The following C6orf163 variants were observed in gnomAD, a reference collection of about 807,000 sequenced individuals.
C6orf163 encodes the protein uncharacterized protein C6orf163.
A neutral mutation model predicts 28.4 loss-of-function variants in C6orf163; 22 were observed. The observed-to-expected ratio is 0.78, with a 90% CI of 0.55 to 1.11. The LOEUF (loss-of-function observed/expected upper bound fraction) is 1.11. Ranked by LOEUF, C6orf163 falls within the 50% of genes least tolerant of loss-of-function variation. C6orf163 has a pLI of 0.00. For synonymous variants in C6orf163, 110 were observed against 123.6 expected (o/e 0.89, Z 0.73); for missense variants, 342 against 389.1 (o/e 0.88, Z 1.02).
chr6:87,357,525 A>G (rs908409008), intron 4 of C6orf163: 5 of 152,236 alleles, frequency 3.3e-5, no homozygotes, highest in African/African-American at 1.2e-4. Flanking sequence ...GGAGGTACAG[A>G]TAAATGAGAA....
At chr6:87,364,668 T>C (rs1777621544) in intron 4 of C6orf163, among the ~76,000 whole-genome samples, 1 of 152,192 alleles carries the variant, frequency 6.6e-6, no homozygotes, top group Non-Finnish European at 1.5e-5. Flanking sequence ...TTAAGCACAA[T>C]GCATGTATAT....
At position 87,365,174 on chromosome 6, in the gene C6orf163, C is replaced by CA; in HGVS notation, c.769dup (p.Thr257AsnfsTer43). The stretch of plus-strand genomic sequence containing the variant: ...GCAATATGATGGATAAACTGGCTAA[C>CA]ACCCAGGGGGAGCTGCTGTCTATAG... On this transcript the variant is annotated frameshift_variant, in exon 5 of 5. Transcript: ENST00000388923. LOFTEE classifies it high-confidence loss of function. 6.4e-7 allele frequency: 1 copy of CA among 1,551,890 alleles called. No homozygotes were observed. The highest frequency in any genetic ancestry group is 8.7e-7 in the Non-Finnish European group (1 of 1,147,022).
chr6:87,356,472 A>T lies in C6orf163; in HGVS notation c.523A>T (p.Ile175Phe). Residue 175 changes from isoleucine to phenylalanine, a missense_variant, in exon 4 of 5, where the codon ATC (isoleucine) becomes TTC (phenylalanine). Coordinates refer to ENST00000388923, the MANE Select transcript of C6orf163 (RefSeq NM_001010868.3). ...VEKARAEERH[I>F]AQEAIQAQKS... ...GAAAGCCAGGGCTGAAGAAAGACAC[A>T]TCGCCCAGGAAGCAATCCAGGCCCA... 3.2e-6 allele frequency: 5 copies of T among 1,551,770 alleles called. No individual in the cohort carries two copies. The South Asian group carries it at 5.9e-5, about 18-fold the overall frequency.
chr6:87,350,019 C>T (rs921143042), intron 2 of C6orf163, among the ~76,000 whole-genome samples: 4 of 152,244 alleles, frequency 2.6e-5, no homozygotes, highest in Non-Finnish European at 5.9e-5. Flanking sequence ...CTTTGTGCGT[C>T]TTTTCATTTC....
chr6:87,356,825 T>C (rs1021738898), intron 4 of C6orf163: 2 of 241,488 alleles, frequency 8.3e-6, no homozygotes, highest in East Asian at 9.0e-5. Flanking sequence ...TCTCTAAATA[T>C]GGTATTTTTC....
At position 87,360,398 on chromosome 6, in the gene C6orf163, A is replaced by ATTT. The variant is rs10625675; in HGVS notation, c.554+3911_554+3913dup. Among the ~76,000 whole-genome samples the ATTT allele has an allele frequency of 5.9e-3, 810 of 138,084 alleles. 12 individuals carry two copies. Among genetic ancestry groups the ATTT allele is most frequent in the South Asian group, 9.4e-3 (41 of 4,340 alleles). The allele number at this position is 138,084 out of a possible 152,430, so 90.6% of individuals were successfully genotyped here. ...TGTTAAGAATCCTTTTTAAGCATGA[A>ATTT]TTTTTTTTTTTTTTTTTTGAGAGAG... On this transcript the variant is annotated intron_variant, in intron 4 of 4. Coordinates refer to ENST00000388923, the MANE Select transcript of C6orf163 (RefSeq NM_001010868.3).
In C6orf163 at chr6:87,356,455, G is replaced by T. The variant is rs1202329303; in HGVS notation, c.506G>T (p.Arg169Met). Residue 169 changes from arginine (R) to methionine (M), a missense_variant, in exon 4 of 5, where the codon AGG becomes ATG. Transcript: ENST00000388923. Reference protein sequence around the residue: ...REKVEAVEKARAEERHIAQEA... With the variant: ...REKVEAVEKAMAEERHIAQEA... ...AAGGTCGAAGCTGTGGAGAAAGCCAGGGCTGAAGAAAGACACATCGCCCAG... is the reference window on the plus strand; with the variant it reads ...AAGGTCGAAGCTGTGGAGAAAGCCATGGCTGAAGAAAGACACATCGCCCAG... The T allele has an allele frequency of 1.3e-6, 2 of 1,551,634 alleles. No individual in the cohort carries two copies. The highest frequency in any genetic ancestry group is 2.7e-5 in the African/African-American group (2 of 73,036).
intron 4 of C6orf163, among the ~76,000 whole-genome samples, chr6:87,360,489 C>G (rs1008394873): frequency 6.6e-6 from 1 of 150,512 alleles, no homozygotes; most frequent in African/African-American, 2.4e-5. Flanking sequence ...CTCCACCTTC[C>G]AGGTTCAAGC....
chr6:87,349,012 C>G, intron 2 of C6orf163, 106 bp downstream of exon 2: 1 of 1,388,602 alleles, frequency 7.2e-7, no homozygotes, highest in Non-Finnish European at 9.5e-7. Context: ...TGACTGAATC[C>G]TGGCTAGCTG....
intron 4 of C6orf163, among the ~76,000 whole-genome samples, chr6:87,363,877 T>C (rs1184534775): frequency 6.6e-6 from 1 of 152,206 alleles, no homozygotes; most frequent in East Asian, 1.9e-4. Context: ...TAGTCTCCTA[T>C]GAATATAAAA....
chr6:87,351,064 C>T (rs946478876), intron 3 of C6orf163, among the ~76,000 whole-genome samples: 5 of 152,142 alleles, frequency 3.3e-5, no homozygotes, highest in Admixed American at 2.0e-4. Flanking sequence ...AATGCAGGGC[C>T]AGATGTCACA....
chr6:87,356,779 A>C (rs2127933759), intron 4 of C6orf163: 1 of 334,042 alleles, frequency 3.0e-6, no homozygotes, highest in South Asian at 5.7e-5. Context: ...TTCCTCAATC[A>C]TATCTTCTTC....
chr6:87,356,509 C>A lies in C6orf163; in HGVS notation c.554+6C>A. 1 of 1,550,470 alleles carries A rather than the reference C, an allele frequency of 6.4e-7. No homozygotes were observed. Among genetic ancestry groups the A allele is most frequent in the Non-Finnish European group, 8.7e-7 (1 of 1,146,374 alleles). ...GCAATCCAGGCCCAGAAAAGGTATTCCAGAGAACTCATTTACAAATTAGTA... is the reference window on the plus strand; with the variant it reads ...GCAATCCAGGCCCAGAAAAGGTATTACAGAGAACTCATTTACAAATTAGTA... On this transcript the variant is annotated splice_donor_region_variant and intron_variant, in intron 4 of 4. Coordinates refer to ENST00000388923, the MANE Select transcript of C6orf163 (RefSeq NM_001010868.3).
At chr6:87,347,250 T>G (rs1251766995) in intron 1 of C6orf163, 2 of 247,142 alleles carry the variant, frequency 8.1e-6, no homozygotes, top group Non-Finnish European at 1.3e-5. Flanking sequence ...CTTTCTTCAC[T>G]CAGCACAATG....
chr6:87,364,835 G>A (rs566258697), intron 4 of C6orf163, 126 bp from the exon 5 acceptor site: 29 of 692,254 alleles, frequency 4.2e-5, no homozygotes, highest in Middle Eastern at 3.8e-4. Context: ...AAGCTCATCC[G>A]TATCAGCCTG....
At position 87,345,933 on chromosome 6, in the gene C6orf163, A is replaced by G. The variant is rs867602178; in HGVS notation, c.148+686A>G. ...CTCTGCCTCAAAAAAAAAAAAAAAAAAAAAAAATTTTAAAGTACCCTAATA... is the reference window on the plus strand; with the variant it reads ...CTCTGCCTCAAAAAAAAAAAAAAAAGAAAAAAATTTTAAAGTACCCTAATA... On this transcript the variant is annotated intron_variant, in intron 1 of 4. Coordinates refer to ENST00000388923, the MANE Select transcript of C6orf163 (RefSeq NM_001010868.3). Among the ~76,000 whole-genome samples the G allele has an allele frequency of 5.0e-3, 753 of 150,534 alleles. 13 individuals are homozygous for G. The highest frequency in any genetic ancestry group is 0.017 in the African/African-American group (694 of 40,616).
At chr6:87,351,801 A>G (rs1582106136) in intron 3 of C6orf163, among the ~76,000 whole-genome samples, 1 of 147,522 alleles carries the variant, frequency 6.8e-6, no homozygotes, top group Admixed American at 6.7e-5. Context: ...CAATCCAGCA[A>G]TTTAAAAGGA....
At chr6:87,351,908 A>G (rs535746574) in intron 3 of C6orf163, among the ~76,000 whole-genome samples, 1 of 152,262 alleles carries the variant, frequency 6.6e-6, no homozygotes, top group Admixed American at 6.5e-5. Flanking sequence ...GTTGATACAC[A>G]TTTTGAATGT....
Position 87,344,887 on chromosome 6 carries a change from C to T in C6orf163, c.-213C>T. ...TTCCCAAATCTGGTGCCCATACCTTCTATGGCAGGGGCTTTTAGCACCATT... is the reference window on the plus strand; with the variant it reads ...TTCCCAAATCTGGTGCCCATACCTTTTATGGCAGGGGCTTTTAGCACCATT... On this transcript the variant is annotated 5_prime_UTR_variant, in exon 1 of 5. Coordinates refer to ENST00000388923, the MANE Select transcript of C6orf163 (RefSeq NM_001010868.3). 1 of 388,948 alleles carries T rather than the reference C, an allele frequency of 2.6e-6. No individual in the cohort carries two copies. Among genetic ancestry groups the T allele is most frequent in the Non-Finnish European group, 4.6e-6 (1 of 219,614 alleles). 24.1% of individuals were successfully genotyped at this position (388,948 alleles called of 1,614,324 possible).
Sources: allele counts gnomAD v4.1 joint callset (sites outside exome capture counted in the v4.1 genomes callset), GRCh38; gene constraint gnomAD v4.1.1; transcripts MANE v1.5; gene names NCBI Gene and HGNC (gene_info 2026-07-23, HGNC 2026-07-21).